Variants in RUNX1T1 observed in about 807,000 individuals in gnomAD.
RUNX1T1 encodes the protein protein CBFA2T1.
In RUNX1T1, 4 loss-of-function variants were observed where a neutral mutation model predicts 62.8. That is an observed-to-expected ratio of 0.06 (90% CI 0.03 to 0.15). The LOEUF (loss-of-function observed/expected upper bound fraction) is 0.15. Among genes scored for constraint, RUNX1T1 ranks in the 10% least tolerant of loss-of-function variants. RUNX1T1 has a pLI of 1.00. For missense variants in RUNX1T1, 508 were observed against 754.3 expected (o/e 0.67, Z 3.82); for synonymous variants, 291 against 286.0 (o/e 1.02, Z -0.18).
At chr8:92,062,395 T>C (rs543867260) in intron 1 of RUNX1T1, 1 of 847,438 alleles carries the variant, frequency 1.2e-6, no homozygotes, top group Non-Finnish European at 2.0e-6. Context: ...CTCTTTATGC[T>C]ACCTTCCAAT....
chr8:92,021,695 A>G (rs1287039547), intron 1 of RUNX1T1, among the ~76,000 whole-genome samples: 1 of 152,008 alleles, frequency 6.6e-6, no homozygotes, highest in Non-Finnish European at 1.5e-5. Flanking sequence ...CCTCATAGGA[A>G]TGTGGTGAAA....
intron 1 of RUNX1T1, chr8:92,062,434 T>C (rs1832196566): frequency 5.0e-6 from 6 of 1,211,354 alleles, no homozygotes; most frequent in Non-Finnish European, 6.1e-6. Flanking sequence ...AGCCTCTTCC[T>C]GCCCACATCA....
intron 5 of RUNX1T1, among the ~76,000 whole-genome samples, chr8:92,001,857 A>G (rs1819819552): frequency 6.6e-6 from 1 of 152,206 alleles, no homozygotes; most frequent in African/African-American, 2.4e-5. Context: ...TTTAAATCTT[A>G]ATAATTTTAA....
chr8:92,017,889 C>T (rs189009053), intron 1 of RUNX1T1, among the ~76,000 whole-genome samples: 22 of 152,254 alleles, frequency 1.4e-4, no homozygotes, highest in Non-Finnish European at 2.9e-4. Flanking sequence ...AGGCATATTT[C>T]GCATTTCAAT....
intron 1 of RUNX1T1, among the ~76,000 whole-genome samples, chr8:92,035,888 G>C (rs1827327759): frequency 6.6e-6 from 1 of 152,028 alleles, no homozygotes; most frequent in Admixed American, 6.6e-5. Flanking sequence ...GGGGAACCTA[G>C]AACCATAAAA....
At chr8:91,959,677 A>G (rs1810032629) in exon 11 of RUNX1T1, 1 of 228,530 alleles carries the variant, frequency 4.4e-6, no homozygotes, top group Non-Finnish European at 8.7e-6. Context: ...TCTGCTGCAC[A>G]TCTGCGCGTT....
chr8:91,986,209 G>T lies in RUNX1T1; in HGVS notation c.1113C>A (p.Asp371Glu), dbSNP rs201685328. The change falls in exon 8 of 11, where the codon GAC becomes GAA. Residue 371 changes from aspartate (D) to glutamate (E), a missense_variant. Transcript: ENST00000396218. ...CGCCACCTTTTTTTAAGTCCTCGGC[G>T]TCACTGTACCGCCGGATCCAGTAAT... The T allele has an allele frequency of 5.0e-6, 8 of 1,613,962 alleles. No individual in the cohort carries two copies. The Admixed American group carries it at 1.2e-4, about 24-fold the overall frequency.
intron 6 of RUNX1T1, among the ~76,000 whole-genome samples, chr8:91,990,554 T>C (rs1817452433): frequency 6.6e-6 from 1 of 152,222 alleles, no homozygotes; most frequent in Non-Finnish European, 1.5e-5. Context: ...ACTGATCATA[T>C]GTTTAAAAAC....
chr8:92,028,081 G>A (rs1232528441), intron 1 of RUNX1T1, among the ~76,000 whole-genome samples: 4 of 101,386 alleles, frequency 3.9e-5, no homozygotes, highest in Non-Finnish European at 7.9e-5. Context: ...ATAAATGGGG[G>A]GGGGGGTGGG....
At chr8:91,960,646 G>T in intron 10 of RUNX1T1, 129 bp from the exon 12 acceptor site, 1 of 991,744 alleles carries the variant, frequency 1.0e-6, no homozygotes, top group Non-Finnish European at 1.5e-6. Context: ...AAAAATCCAG[G>T]TGTTCACGTA....
At chr8:92,038,262 C>A (rs983516239) in intron 1 of RUNX1T1, among the ~76,000 whole-genome samples, 1 of 151,904 alleles carries the variant, frequency 6.6e-6, no homozygotes, top group Admixed American at 6.6e-5. Flanking sequence ...ATCTCTCTCC[C>A]AGAGCACTGT....
chr8:92,043,839 A>G (rs1187147202), intron 1 of RUNX1T1, among the ~76,000 whole-genome samples: 1 of 151,890 alleles, frequency 6.6e-6, no homozygotes, highest in African/African-American at 2.4e-5. Context: ...TTAGGTGGGC[A>G]TGTTGACAGG....
intron 8 of RUNX1T1, among the ~76,000 whole-genome samples, chr8:91,984,653 T>C (rs1816160473): frequency 6.6e-6 from 1 of 152,196 alleles, no homozygotes; most frequent in Non-Finnish European, 1.5e-5. Context: ...ACTTTAAAGC[T>C]CTCAATTTTT....
rs200036855 is a variant in RUNX1T1 at position 92,081,536 on chromosome 8, GTTTT to G, written c.-85-5403_-85-5400del. ...AAAAAACATAAACTGATGTTTGGTAGTTTTTTTTTTTTTTTTTAAATCTAATTTC... is the reference window on the plus strand; with the variant it reads ...AAAAAACATAAACTGATGTTTGGTAGTTTTTTTTTTTTTAAATCTAATTTC... On this transcript the variant is annotated intron_variant, in intron 1 of 11. Coordinates refer to the RUNX1T1 transcript ENST00000265814. Among the ~76,000 whole-genome samples the G allele has an allele frequency of 1.8e-3, 238 of 134,706 alleles. 3 individuals carry two copies. The highest frequency in any genetic ancestry group is 4.7e-4 in the Non-Finnish European group (29 of 62,106). 88.4% of individuals were successfully genotyped at this position (134,706 alleles called of 152,430 possible). A position where few individuals can be genotyped will look rare whatever the true frequency, so the allele number is the denominator to read the frequency against.
chr8:91,987,703 A>G (rs917070289), intron 6 of RUNX1T1, among the ~76,000 whole-genome samples: 2 of 152,174 alleles, frequency 1.3e-5, no homozygotes, highest in African/African-American at 4.8e-5. Flanking sequence ...GTGAGCACCA[A>G]TATTAATTAA....
chr8:91,991,043 C>A (rs1295333640), intron 6 of RUNX1T1, among the ~76,000 whole-genome samples: 2 of 152,176 alleles, frequency 1.3e-5, no homozygotes, highest in African/African-American at 2.4e-5. Context: ...TTCACTTCTT[C>A]TTCAGTATTC....
At chr8:92,102,809 C>G (rs1000293210), upstream of RUNX1T1, 62 of 1,490,242 alleles carry the variant, frequency 4.2e-5, no homozygotes, top group Non-Finnish European at 5.3e-5. This position sits in a 1 kb window ranked among gnomAD's most constrained non-coding sequence, Gnocchi z 4.5. Context: ...AGTCAGGGGC[C>G]CGACCCCGCC....
intron 6 of RUNX1T1, among the ~76,000 whole-genome samples, chr8:91,989,032 C>T (rs903191912): frequency 2.6e-5 from 4 of 152,016 alleles, no homozygotes; most frequent in African/African-American, 7.2e-5. Context: ...GGAAATATCT[C>T]GTAATCATTA....
At chr8:91,959,488 G>GTATATATATATA in exon 11 of RUNX1T1, 1 of 84,810 alleles carries the variant, frequency 1.2e-5, no homozygotes, top group South Asian at 6.1e-4. Flanking sequence ...GTGTGTGTGT[G>GTATATATATATA]TATATATATA....
Sources: allele counts gnomAD v4.1 joint callset (sites outside exome capture counted in the v4.1 genomes callset), GRCh38; gene constraint gnomAD v4.1.1; non-coding constraint Gnocchi (gnomAD v3.1); transcripts MANE v1.5; gene names NCBI Gene and HGNC (gene_info 2026-07-23, HGNC 2026-07-21).